STX18: variants seen among roughly 807,000 people sequenced by gnomAD.
STX18 encodes syntaxin 18, also known as syntaxin-18.
STX18 carries 40 observed loss-of-function variants against 50.1 expected under a neutral mutation model. The observed-to-expected ratio is 0.80, with a 90% CI of 0.62 to 1.04. The LOEUF (loss-of-function observed/expected upper bound fraction) is 1.04. STX18 is among the 50% of genes least tolerant of loss of function. The pLI is 0.00. For synonymous variants in STX18, 158 were observed against 151.8 expected (o/e 1.04, Z -0.30); for missense variants, 410 against 415.8 (o/e 0.99, Z 0.12).
chr4:4,478,843 T>TCGAC (rs1173082791), intron 1 of STX18: 14 of 152,490 alleles, frequency 9.2e-5, no homozygotes, highest in Non-Finnish European at 2.1e-4. Flanking sequence ...TCTTTTCAGA[T>TCGAC]CGACCAGCCA....
rs1366524144 is a variant in STX18 at position 4,420,355 on chromosome 4, C to T, written c.913-226G>A. 1 of 529,180 alleles carries T rather than the reference C, an allele frequency of 1.9e-6. No homozygotes were observed. Among genetic ancestry groups the T allele is most frequent in the Non-Finnish European group, 3.4e-6 (1 of 293,126 alleles). 32.8% of individuals were successfully genotyped at this position (529,180 alleles called of 1,614,324 possible). On this transcript the variant is annotated intron_variant, in intron 10 of 10. Coordinates refer to ENST00000306200, the MANE Select transcript of STX18 (RefSeq NM_016930.4). The surrounding 1 kb of genome is among the most constrained non-coding windows in gnomAD (Gnocchi z 4.3). ...ATTTGGGTCCTGCACAATTCTCCCT[C>T]AACACAACTCTCGGAATCACTCCCT...
intron 2 of STX18, among the ~76,000 whole-genome samples, chr4:4,469,543 G>T (rs964021670): frequency 6.6e-6 from 1 of 152,104 alleles, no homozygotes; most frequent in Non-Finnish European, 1.5e-5. Flanking sequence ...CCTGAGAAGC[G>T]GTGTGAGGGA....
chr4:4,459,271 G>T, intron 3 of STX18, 101 bp downstream of exon 3: 1 of 822,150 alleles, frequency 1.2e-6, no homozygotes, highest in Non-Finnish European at 2.0e-6. Flanking sequence ...AACCTAAATC[G>T]AAATAAGAAG....
At chr4:4,486,010 GC>G (rs1397647231) in intron 1 of STX18, among the ~76,000 whole-genome samples, 2 of 152,168 alleles carry the variant, frequency 1.3e-5, no homozygotes, top group Non-Finnish European at 2.9e-5. Context: ...CAGGCAGAGG[GC>G]GGGGACAGCG....
At chr4:4,508,524 G>C (rs1383792710) in intron 1 of STX18, among the ~76,000 whole-genome samples, 1 of 152,116 alleles carries the variant, frequency 6.6e-6, no homozygotes, top group Non-Finnish European at 1.5e-5. Context: ...AGAAGGAGCT[G>C]CTGTGTAACA....
chr4:4,421,606 G>GC (rs1724969963), intron 9 of STX18, among the ~76,000 whole-genome samples: 1 of 152,124 alleles, frequency 6.6e-6, no homozygotes, highest in Non-Finnish European at 1.5e-5. Flanking sequence ...CATCCCTCCT[G>GC]CGCCACTCGC....
intron 2 of STX18, among the ~76,000 whole-genome samples, chr4:4,468,240 C>T (rs1727720595): frequency 6.6e-6 from 1 of 152,170 alleles, no homozygotes; most frequent in African/African-American, 2.4e-5. Flanking sequence ...TTCTCTGAAA[C>T]ACCACGTCCC....
intron 1 of STX18, among the ~76,000 whole-genome samples, chr4:4,492,810 G>GA (rs916239052): frequency 1.3e-5 from 2 of 151,986 alleles, no homozygotes; most frequent in Non-Finnish European, 2.9e-5. Flanking sequence ...CTAGTAGTCT[G>GA]AAAAAAATGT....
chr4:4,517,617 T>C (rs1252299941), intron 1 of STX18, among the ~76,000 whole-genome samples: 2 of 152,208 alleles, frequency 1.3e-5, no homozygotes, highest in Non-Finnish European at 2.9e-5. Context: ...TATAACCTCT[T>C]CCTGTCATAA....
At chr4:4,485,978 C>A (rs575566825) in intron 1 of STX18, among the ~76,000 whole-genome samples, 1 of 152,148 alleles carries the variant, frequency 6.6e-6, no homozygotes, top group Non-Finnish European at 1.5e-5. Context: ...CTTAGAAGTA[C>A]GAGTGGTGGA....
intron 5 of STX18, among the ~76,000 whole-genome samples, chr4:4,445,714 G>T (rs951018751): frequency 6.6e-6 from 1 of 152,094 alleles, no homozygotes; most frequent in African/African-American, 2.4e-5. Context: ...TAAATGCAAA[G>T]ATATACTATG....
chr4:4,434,112 G>C (rs1043453444), intron 7 of STX18, among the ~76,000 whole-genome samples: 4 of 152,224 alleles, frequency 2.6e-5, no homozygotes, highest in African/African-American at 7.2e-5. Context: ...CCGTGTGGTA[G>C]TCACATTCCC....
intron 5 of STX18, among the ~76,000 whole-genome samples, chr4:4,455,323 T>G (rs948641861): frequency 6.6e-6 from 1 of 152,230 alleles, no homozygotes; most frequent in Non-Finnish European, 1.5e-5. Context: ...ACCCTCTCAG[T>G]GCATTATATA....
chr4:4,500,603 A>G (rs1729404690), intron 1 of STX18, among the ~76,000 whole-genome samples: 5 of 152,258 alleles, frequency 3.3e-5, no homozygotes, highest in Admixed American at 3.3e-4. Flanking sequence ...GGATGACCAT[A>G]TAGCCCTCAT....
At chr4:4,535,008 T>G (rs1731266446) in intron 1 of STX18, among the ~76,000 whole-genome samples, 1 of 152,242 alleles carries the variant, frequency 6.6e-6, no homozygotes, top group Admixed American at 6.5e-5. Flanking sequence ...AAAAGGGCTC[T>G]AGTCACACCA....
At chr4:4,430,548 T>C (rs1408430946) in intron 7 of STX18, among the ~76,000 whole-genome samples, 1 of 152,226 alleles carries the variant, frequency 6.6e-6, no homozygotes, top group Non-Finnish European at 1.5e-5. Context: ...CTTTAGTCAT[T>C]GATACTACCA....
chr4:4,438,745 C>T (rs1400395911), intron 5 of STX18, among the ~76,000 whole-genome samples: 1 of 152,008 alleles, frequency 6.6e-6, no homozygotes, highest in African/African-American at 2.4e-5. Context: ...AGCCACGGCA[C>T]AGTGACCAGC....
chr4:4,438,603 C>A, intron 5 of STX18, 94 bp from the exon 6 acceptor site: 2 of 984,392 alleles, frequency 2.0e-6, no homozygotes, highest in Non-Finnish European at 3.1e-6. Context: ...TGCGCTTTTG[C>A]TCTGTGTCCC....
intron 1 of STX18, chr4:4,499,308 C>T (rs1211840913): frequency 3.0e-5 from 5 of 168,272 alleles, no homozygotes; most frequent in Admixed American, 6.5e-5. Context: ...ACTTTTTTTC[C>T]TGGGGGTAGT....
Sources: gnomAD v4.1 joint callset for allele counts (sites outside exome capture counted in the v4.1 genomes callset) on GRCh38, gnomAD v4.1.1 for gene constraint, Gnocchi (gnomAD v3.1) non-coding constraint, MANE v1.5 for transcripts, NCBI Gene and HGNC (gene_info 2026-07-23, HGNC 2026-07-21) for gene names.